Variants in PNISR observed in about 807,000 individuals in gnomAD.
The protein encoded by PNISR is PNN interacting serine and arginine rich protein, also known as arginine/serine-rich protein PNISR.
PNISR carries 20 observed loss-of-function variants against 93.4 expected under a neutral mutation model. That is an observed-to-expected ratio of 0.21 (90% CI 0.15 to 0.31). PNISR has a LOEUF of 0.31. Among genes scored for constraint, PNISR ranks in the 10% least tolerant of loss-of-function variants. The pLI is 1.00. For synonymous variants in PNISR, 305 were observed against 306.5 expected, an observed-to-expected ratio of 0.99 and a Z score of 0.05; for missense variants, 893 against 985.4, an observed-to-expected ratio of 0.91 and a Z score of 1.25.
Position 99,402,729 on chromosome 6 carries a change from G to C in PNISR, c.1157-19C>G. On this transcript the variant is annotated intron_variant, in intron 10 of 11. Coordinates refer to ENST00000369239, the MANE Select transcript of PNISR (RefSeq NM_032870.4). ...AGTCCACCTGTGTGCATAAAGCTCA[G>C]TCTATCATATGAAAAAAATTATACT... is the stretch of plus-strand genomic sequence containing the variant. 6.6e-7 allele frequency: 1 copy of C among 1,509,362 alleles called. No individual in the cohort carries two copies. Among genetic ancestry groups the C allele is most frequent in the Non-Finnish European group, 8.9e-7 (1 of 1,121,300 alleles). 93.5% of individuals were successfully genotyped at this position (1,509,362 alleles called of 1,614,324 possible).
At chr6:99,423,332 G>C (rs1360364444) in intron 1 of PNISR, among the ~76,000 whole-genome samples, 2 of 152,146 alleles carry the variant, frequency 1.3e-5, no homozygotes, top group African/African-American at 4.8e-5. Context: ...ATAAATGTGA[G>C]GGAAGACACA....
intron 10 of PNISR, 73 bp from the exon 11 acceptor site, chr6:99,402,783 A>G (rs1162995112): frequency 1.8e-6 from 2 of 1,120,740 alleles, no homozygotes; most frequent in Non-Finnish European, 2.5e-6. Context: ...AAGGTCTGAG[A>G]AGAAAGTTCA....
At chr6:99,403,743 T>C in intron 10 of PNISR, 86 bp downstream of exon 10, 3 of 962,728 alleles carry the variant, frequency 3.1e-6, no homozygotes, top group Middle Eastern at 2.1e-4. Flanking sequence ...GTAGGACTAA[T>C]ACAGTTTCAA....
chr6:99,422,798 CG>C (rs1265565812), intron 1 of PNISR, among the ~76,000 whole-genome samples: 18 of 142,154 alleles, frequency 1.3e-4, no homozygotes, highest in Admixed American at 3.8e-4. Context: ...CACTTGAACC[CG>C]GGAGGCAGGG....
intron 4 of PNISR, 117 bp from the exon 5 acceptor site, chr6:99,411,081 T>C (rs1015803383): frequency 2.9e-5 from 21 of 714,772 alleles, no homozygotes; most frequent in Non-Finnish European, 1.7e-5. Flanking sequence ...AAACAACTTA[T>C]GACTTCTTGG....
At chr6:99,416,104 T>C (rs976391958) in intron 2 of PNISR, 7 of 299,174 alleles carry the variant, frequency 2.3e-5, no homozygotes, top group African/African-American at 1.3e-4. Context: ...ATAGCACAAA[T>C]GAGGCCAACA....
At chr6:99,408,330 G>C (rs1013835362) in intron 6 of PNISR, 59 bp from the exon 7 acceptor site, 1 of 1,217,698 alleles carries the variant, frequency 8.2e-7, no homozygotes, top group African/African-American at 1.5e-5. Context: ...CTACAAACTT[G>C]TGAGTAAATT....
In PNISR at chr6:99,424,914, C is replaced by T. The variant is rs573388185; in HGVS notation, c.-112+301G>A. 1.5e-5 allele frequency: 4 copies of T among 264,124 alleles called. 1 individual carries two copies. The highest frequency in any genetic ancestry group is 1.3e-4 in the East Asian group (2 of 14,994). 16.4% of individuals were successfully genotyped at this position (264,124 alleles called of 1,614,324 possible). A position where few individuals can be genotyped will look rare whatever the true frequency, so the allele number is the denominator to read the frequency against. ...CCCACAAGGGGGTTCCCACTGCGCACGCGCAGTGTTTAACGGCCGGTCAGG... is the reference window on the plus strand; with the variant it reads ...CCCACAAGGGGGTTCCCACTGCGCATGCGCAGTGTTTAACGGCCGGTCAGG... On this transcript the variant is annotated intron_variant, in intron 1 of 11. Coordinates refer to ENST00000369239, the MANE Select transcript of PNISR (RefSeq NM_032870.4).
At chr6:99,420,822 C>G (rs1562264184) in intron 1 of PNISR, among the ~76,000 whole-genome samples, 1 of 152,142 alleles carries the variant, frequency 6.6e-6, no homozygotes, top group African/African-American at 2.4e-5. Flanking sequence ...TACAATAATA[C>G]TTTTTATAGA....
chr6:99,420,709 T>A (rs1370329658), intron 1 of PNISR, among the ~76,000 whole-genome samples: 2 of 152,236 alleles, frequency 1.3e-5, no homozygotes, highest in Non-Finnish European at 2.9e-5. Flanking sequence ...TACAAGTTGG[T>A]TTAAAAATGA....
chr6:99,413,744 A>G (rs1777290879), intron 3 of PNISR, among the ~76,000 whole-genome samples: 1 of 151,098 alleles, frequency 6.6e-6, no homozygotes, highest in East Asian at 2.0e-4. Context: ...GTAGAATAAG[A>G]TATGTTTTTC....
chr6:99,409,273 A>AGGTCCTGGAGGTCCTGGT lies in PNISR; in HGVS notation c.555_572dup (p.Gly187_Pro192dup), dbSNP rs1390293544. Reference sequence around the variant, plus strand: ...CTCTTCGATTCTGGGGAGGTGCTGGAGGTCCTGGAGGTCCTGGTTGCCAAT... The same window carrying AGGTCCTGGAGGTCCTGGT: ...CTCTTCGATTCTGGGGAGGTGCTGGAGGTCCTGGAGGTCCTGGTGGTCCTGGAGGTCCTGGTTGCCAAT... On this transcript the variant is annotated inframe_insertion, in exon 6 of 12. Coordinates refer to ENST00000369239, the MANE Select transcript of PNISR (RefSeq NM_032870.4). 6.2e-7 allele frequency: 1 copy of AGGTCCTGGAGGTCCTGGT among 1,612,178 alleles called. No individual in the cohort carries two copies. Among genetic ancestry groups the AGGTCCTGGAGGTCCTGGT allele is most frequent in the East Asian group, 2.2e-5 (1 of 44,834 alleles).
At chr6:99,415,701 T>TA (rs1487009677) in intron 2 of PNISR, 3 of 152,200 alleles carry the variant, frequency 2.0e-5, no homozygotes, top group African/African-American at 7.2e-5. Context: ...AGGCATTTAA[T>TA]AAATGTTTAC....
At chr6:99,422,024 C>T (rs1032424687) in intron 1 of PNISR, among the ~76,000 whole-genome samples, 75 of 152,042 alleles carry the variant, frequency 4.9e-4, no homozygotes, top group African/African-American at 1.6e-3. Context: ...TGCCACCGCG[C>T]GAGGATAATG....
At chr6:99,417,431 C>T (rs1777845389) in intron 1 of PNISR, among the ~76,000 whole-genome samples, 1 of 152,222 alleles carries the variant, frequency 6.6e-6, no homozygotes, top group Non-Finnish European at 1.5e-5. Context: ...TGCCTACCTA[C>T]ATCCGTTCGT....
intron 1 of PNISR, among the ~76,000 whole-genome samples, chr6:99,422,740 G>A (rs1778727159): frequency 6.6e-6 from 1 of 152,034 alleles, no homozygotes; most frequent in African/African-American, 2.4e-5. Context: ...TGGGCATGGT[G>A]GCATATACCT....
At chr6:99,424,150 C>T (rs1284061497) in intron 1 of PNISR, among the ~76,000 whole-genome samples, 1 of 152,132 alleles carries the variant, frequency 6.6e-6, no homozygotes, top group Non-Finnish European at 1.5e-5. Context: ...AATATACAGC[C>T]TAAGAATATA....
rs769843246 is a variant in PNISR at position 99,400,616 on chromosome 6, G to A, written c.2342C>T (p.Ser781Leu). The change falls in exon 12 of 12, where the codon TCG (serine) becomes TTG (leucine). Residue 781 changes from serine to leucine, a missense_variant. Around this residue, in one of 3 missense-constraint regions of PNISR, gnomAD observed 866 missense variants for 935.1 expected, o/e 0.93. Coordinates refer to ENST00000369239, the MANE Select transcript of PNISR (RefSeq NM_032870.4). ...CCTTTGAGATTTCTCCACGGATCGC[G>A]ATCGACTATGTTTAGGCTTCTTAGC... ...KKAKKPKHSR[S>L]RSVEKSQRSG... 1.7e-5 allele frequency: 28 copies of A among 1,614,010 alleles called. No homozygotes were observed. The highest frequency in any genetic ancestry group is 1.6e-4 in the Middle Eastern group (1 of 6,062).
At position 99,416,366 on chromosome 6, in the gene PNISR, T is replaced by C. The variant is rs1777695100; in HGVS notation, c.-49A>G. 1 of 1,193,220 alleles carries C rather than the reference T, an allele frequency of 8.4e-7. No individual in the cohort carries two copies. The highest frequency in any genetic ancestry group is 4.2e-5 in the South Asian group (1 of 23,530). 73.9% of individuals were successfully genotyped at this position (1,193,220 alleles called of 1,614,324 possible). On this transcript the variant is annotated 5_prime_UTR_variant, in exon 2 of 12. Transcript: ENST00000369239. ...AAACTGACCTCAGAGGTTCACCTTCTGTTTAAAACTTAGGTTGATTCAGAC... is the reference window on the plus strand; with the variant it reads ...AAACTGACCTCAGAGGTTCACCTTCCGTTTAAAACTTAGGTTGATTCAGAC...
Sources: gnomAD v4.1 joint callset for allele counts (sites outside exome capture counted in the v4.1 genomes callset) on GRCh38, gnomAD v4.1.1 for gene constraint, gnomAD v4.1.1 regional missense constraint, MANE v1.5 for transcripts, NCBI Gene and HGNC (gene_info 2026-07-23, HGNC 2026-07-21) for gene names.